Variants in OSBPL5 observed in about 807,000 individuals in gnomAD.
OSBPL5 encodes oxysterol-binding protein-related protein 5.
Under a neutral mutation model 111.2 loss-of-function variants are expected in OSBPL5, and 71 were observed. The ratio of observed to expected loss-of-function variants is 0.64; its 90% confidence interval spans 0.53 to 0.78. The LOEUF (loss-of-function observed/expected upper bound fraction) is 0.78. OSBPL5 is among the 30% of genes least tolerant of loss of function. The probability of loss-of-function intolerance (pLI) is 0.00; values close to 1 mark genes in which losing one functional copy is unlikely to be tolerated. For missense variants in OSBPL5, 1,210 were observed against 1,189.3 expected, an observed-to-expected ratio of 1.02 and a Z score of -0.26; for synonymous variants, 549 against 513.9, an observed-to-expected ratio of 1.07 and a Z score of -0.93.
rs1345763437 is a variant in OSBPL5, at chr11:3,105,221, T to G, written c.1060-844A>C. Among the ~76,000 whole-genome samples the G allele has an allele frequency of 2.0e-5, 3 of 152,198 alleles. No homozygotes were observed. The highest frequency in any genetic ancestry group is 4.4e-5 in the Non-Finnish European group (3 of 68,022). ...AGATCTGAACTCAGGGCTCTCTGCA[T>G]TTTTAGCCCAACGGCAGCTGCCCCA... On this transcript the variant is annotated intron_variant, in intron 9 of 21. Coordinates refer to ENST00000263650, the MANE Select transcript of OSBPL5 (RefSeq NM_020896.4). The surrounding 1 kb of genome is among the most constrained non-coding windows in gnomAD (Gnocchi z 5.2).
rs1282106346 is a variant in OSBPL5 at position 3,109,080 on chromosome 11, T to C, written c.692-1135A>G. Among the ~76,000 whole-genome samples, 1 of 151,028 alleles carries C rather than the reference T, an allele frequency of 6.6e-6. No individual in the cohort carries two copies. Among genetic ancestry groups the C allele is most frequent in the Non-Finnish European group, 1.5e-5 (1 of 67,780 alleles). ...ACCACACCGGGTCAATAAGTGTGTT[T>C]TTTGTTTTTGTTTTTTTGTTGTTTT... On this transcript the variant is annotated intron_variant, in intron 7 of 21. Transcript: ENST00000263650. The surrounding 1 kb of genome is among the most constrained non-coding windows in gnomAD (Gnocchi z 7.4).
intron 3 of OSBPL5, among the ~76,000 whole-genome samples, chr11:3,125,242 A>C (rs1411236776): frequency 5.9e-5 from 9 of 152,222 alleles, no homozygotes; most frequent in Non-Finnish European, 1.3e-4. Flanking sequence ...TTAAAAATAT[A>C]ATTTAGAACC....
rs1390578185 is a variant in OSBPL5, at chr11:3,100,057, G to A, written c.1621+101C>T. The A allele has an allele frequency of 2.2e-5, 20 of 893,690 alleles. No individual in the cohort carries two copies. In the Middle Eastern group the frequency reaches 6.8e-4, roughly 30 times the overall value. The allele number at this position is 893,690 out of a possible 1,614,324, so 55.4% of individuals were successfully genotyped here. On this transcript the variant is annotated intron_variant, in intron 14 of 21. Coordinates refer to ENST00000263650, the MANE Select transcript of OSBPL5 (RefSeq NM_020896.4). ...AAAAAAGTCATGGGCAGATGAAGGC[G>A]AAGTAAAGATACCTTCAAGCAAATA...
At chr11:3,122,925 C>T (rs1487596465) in intron 3 of OSBPL5, among the ~76,000 whole-genome samples, 1 of 152,208 alleles carries the variant, frequency 6.6e-6, no homozygotes, top group African/African-American at 2.4e-5. Flanking sequence ...GGGACCAGCC[C>T]TGCATCCACC....
chr11:3,132,960 G>A (rs758391857), intron 1 of OSBPL5, among the ~76,000 whole-genome samples: 1 of 152,188 alleles, frequency 6.6e-6, no homozygotes, highest in African/African-American at 2.4e-5. Flanking sequence ...GGAGACCCTC[G>A]GTGGTTGTGC....
At chr11:3,098,029 T>C (rs1026548886) in intron 14 of OSBPL5, among the ~76,000 whole-genome samples, 6 of 151,970 alleles carry the variant, frequency 3.9e-5, no homozygotes, top group African/African-American at 1.5e-4. Context: ...GATCATGCCA[T>C]TGCACTCCAG....
intron 1 of OSBPL5, among the ~76,000 whole-genome samples, chr11:3,145,034 G>C (rs72844096): frequency 0.022 from 3,324 of 152,342 alleles, 50 homozygotes; most frequent in Non-Finnish European, 0.029. Flanking sequence ...GAGGCCTTTG[G>C]GGGGCAGCCT....
Position 3,102,195 on chromosome 11 carries a change from G to T in OSBPL5, c.1413C>A (p.Tyr471Ter). ...GAGGTGCTCTTGCCTGCTCTGCTAT[G>T]TAGAATGTGCGGCTGTCAGTCTGCG... Reference protein sequence around the residue: ...FHPQTDSRTFYIAEQVSHHPP... With the variant: ...FHPQTDSRTF The change falls in exon 12 of 22, where the codon TAC (tyrosine) becomes TAA (stop). Residue 471 changes from tyrosine (Y) to a stop codon, truncating the protein, a stop_gained. Transcript: ENST00000263650. LOFTEE classifies it high-confidence loss of function. The T allele has an allele frequency of 6.2e-7, 1 of 1,604,540 alleles. No individual in the cohort carries two copies.
chr11:3,100,971 CTTTTT>C (rs1196891233), intron 13 of OSBPL5, among the ~76,000 whole-genome samples: 21,133 of 123,074 alleles, frequency 0.17, 1,719 homozygotes, highest in African/African-American at 0.28. Context: ...AGTTTCATTT[CTTTTT>C]TTTTTTTTTT....
chr11:3,112,087 A>G (rs868159058), intron 7 of OSBPL5, among the ~76,000 whole-genome samples: 7 of 97,438 alleles, frequency 7.2e-5, no homozygotes, highest in South Asian at 3.8e-4. Context: ...GTGTGTGTGC[A>G]TGTGTGTGTG....
Position 3,126,625 on chromosome 11 carries a change from G to A in OSBPL5, c.137-70C>T, listed in dbSNP as rs1858638104. The A allele has an allele frequency of 2.2e-6, 3 of 1,370,618 alleles. No homozygotes were observed. The highest frequency in any genetic ancestry group is 4.3e-5 in the Admixed American group (2 of 46,872). The allele number at this position is 1,370,618 out of a possible 1,614,324, so 84.9% of individuals were successfully genotyped here. A position where few individuals can be genotyped will look rare whatever the true frequency, so the allele number is the denominator to read the frequency against. On this transcript the variant is annotated intron_variant, in intron 2 of 21. Transcript: ENST00000263650. This position sits in a 1 kb window ranked among gnomAD's most constrained non-coding sequence, Gnocchi z 6.5. ...GCCAGGCTTCTCAGGCCGCTGCCTGGTGTGAGGCAGGCGAAGCGTGGGTGC... is the reference window on the plus strand; with the variant it reads ...GCCAGGCTTCTCAGGCCGCTGCCTGATGTGAGGCAGGCGAAGCGTGGGTGC...
At chr11:3,134,095 C>T (rs372115954) in intron 1 of OSBPL5, among the ~76,000 whole-genome samples, 5 of 152,156 alleles carry the variant, frequency 3.3e-5, no homozygotes, top group Non-Finnish European at 5.9e-5. Flanking sequence ...CAGGTGGGCC[C>T]GGAAGCCACC....
At position 3,089,995 on chromosome 11, in the gene OSBPL5, GA is replaced by G. The variant is rs1229436805; in HGVS notation, c.2399-48del. 5.6e-6 allele frequency: 8 copies of G among 1,430,572 alleles called. No homozygotes were observed. The South Asian group carries it at 1.1e-4, about 19-fold the overall frequency. 88.6% of individuals were successfully genotyped at this position (1,430,572 alleles called of 1,614,324 possible). A position where few individuals can be genotyped will look rare whatever the true frequency, so the allele number is the denominator to read the frequency against. ...CAAAGGAGGGGAGGGGAGGAGTGAG[GA>G]TGAGCTGGAGGTCCAGTGGGGCTGG... On this transcript the variant is annotated intron_variant, in intron 20 of 21. Coordinates refer to ENST00000263650, the MANE Select transcript of OSBPL5 (RefSeq NM_020896.4).
chr11:3,103,047 C>A (rs2134410203), intron 11 of OSBPL5, among the ~76,000 whole-genome samples, 192 bp downstream of exon 11: 1 of 152,274 alleles, frequency 6.6e-6, no homozygotes, highest in Middle Eastern at 3.4e-3. Flanking sequence ...CCATCCAGGG[C>A]CCCAACTGTG....
intron 14 of OSBPL5, among the ~76,000 whole-genome samples, chr11:3,097,950 C>T (rs1404489159): frequency 1.3e-5 from 2 of 152,108 alleles, no homozygotes; most frequent in African/African-American, 2.4e-5. Flanking sequence ...CGCCTGTAGT[C>T]CCAGCTACTC....
At chr11:3,118,292 A>G (rs1858280855) in intron 7 of OSBPL5, among the ~76,000 whole-genome samples, 1 of 152,208 alleles carries the variant, frequency 6.6e-6, no homozygotes, top group Non-Finnish European at 1.5e-5. Context: ...ACTGAGATAA[A>G]TGCAGATCTG....
chr11:3,112,047 A>ATGTGTGCATGTGTGTATG (rs1857986519), intron 7 of OSBPL5, among the ~76,000 whole-genome samples: 1 of 66,812 alleles, frequency 1.5e-5, no homozygotes, highest in Non-Finnish European at 2.9e-5. Flanking sequence ...GTGTGCGCGC[A>ATGTGTGCATGTGTGTATG]TGTGTGTGCA....
Position 3,107,811 on chromosome 11 carries a change from G to A in OSBPL5, c.826C>T (p.Pro276Ser). ...TCTGGGTGGACGGTGGCTGAGGCTG[G>A]CAGCCCACAGAGCGATGAGGGTGAT... ...DASPSSLCGL[P>S]ASATVHPDQD... The change falls in exon 8 of 22, where the codon CCA (proline) becomes TCA (serine). Residue 276 changes from proline (P) to serine (S), a missense_variant. Coordinates refer to ENST00000263650, the MANE Select transcript of OSBPL5 (RefSeq NM_020896.4). The surrounding 1 kb of genome is among the most constrained non-coding windows in gnomAD (Gnocchi z 6.1). 1 of 1,612,462 alleles carries A rather than the reference G, an allele frequency of 6.2e-7. No homozygotes were observed.
chr11:3,103,860 GCAGC>G (rs1564830752), intron 10 of OSBPL5, among the ~76,000 whole-genome samples: 9 of 41,268 alleles, frequency 2.2e-4, no homozygotes, highest in African/African-American at 6.3e-4. Flanking sequence ...TCCAGTCTGC[GCAGC>G]CCCCTTCCTG....
Sources: allele counts gnomAD v4.1 joint callset (sites outside exome capture counted in the v4.1 genomes callset), GRCh38; gene constraint gnomAD v4.1.1; non-coding constraint Gnocchi (gnomAD v3.1); transcripts MANE v1.5; gene names NCBI Gene and HGNC (gene_info 2026-07-23, HGNC 2026-07-21).